RHOU: variants seen among roughly 807,000 people sequenced by gnomAD.
RHOU encodes rho-related GTP-binding protein RhoU.
Under a neutral mutation model 12.6 loss-of-function variants are expected in RHOU, and 8 were observed. The observed-to-expected ratio is 0.64, with a 90% CI of 0.37 to 1.15. RHOU has a LOEUF of 1.15. Among genes scored for constraint, RHOU ranks in the 50% most tolerant of loss-of-function variants. RHOU has a pLI of 0.01. For synonymous variants in RHOU, 161 were observed against 147.4 expected, an observed-to-expected ratio of 1.09 and a Z score of -0.67; for missense variants, 258 against 347.0, an observed-to-expected ratio of 0.74 and a Z score of 2.04.
the RHOU span, among the ~76,000 whole-genome samples, chr1:228,727,286 A>T: frequency 1.3e-5 from 2 of 152,158 alleles, no homozygotes; most frequent in Non-Finnish European, 2.9e-5. Context: ...CTCTTGATGC[A>T]GTAGACACTC....
chr1:228,685,895 A>AT, the RHOU span, among the ~76,000 whole-genome samples: 1 of 152,206 alleles, frequency 6.6e-6, no homozygotes, highest in African/African-American at 2.4e-5. Context: ...CCCCAGAGCT[A>AT]TTATTAAAAG....
chr1:228,735,848 CCGGGGGG>C lies in RHOU; in HGVS notation c.108_114del (p.Arg39ValfsTer27). ...ACGCGGGGGACGCGGGCCTGGGGAG[CCGGGGGG>C]CCGGGGGCGTGCGGGGGGTGCCGAG... is the stretch of plus-strand genomic sequence containing the variant. On this transcript the variant is annotated frameshift_variant, in exon 1 of 3. Coordinates refer to ENST00000366691, the MANE Select transcript of RHOU (RefSeq NM_021205.6). LOFTEE classifies it high-confidence loss of function. The surrounding 1 kb of genome is among the most constrained non-coding windows in gnomAD (Gnocchi z 8.1). The C allele has an allele frequency of 7.6e-7, 1 of 1,316,158 alleles. No individual in the cohort carries two copies. The highest frequency in any genetic ancestry group is 9.7e-7 in the Non-Finnish European group (1 of 1,035,236). The allele number at this position is 1,316,158 out of a possible 1,614,324, so 81.5% of individuals were successfully genotyped here. A position where few individuals can be genotyped will look rare whatever the true frequency, so the allele number is the denominator to read the frequency against.
At chr1:228,688,480 C>A in the RHOU span, among the ~76,000 whole-genome samples, 1 of 152,168 alleles carries the variant, frequency 6.6e-6, no homozygotes, top group African/African-American at 2.4e-5. Flanking sequence ...CCCATTTTGA[C>A]CTCCTTAGCA....
chr1:228,671,553 C>T, the RHOU span, among the ~76,000 whole-genome samples: 1 of 151,462 alleles, frequency 6.6e-6, no homozygotes, highest in Admixed American at 6.6e-5. Context: ...CCCGTCTCTA[C>T]TAAAAGTACA....
chr1:228,668,962 A>G, the RHOU span, among the ~76,000 whole-genome samples: 27 of 152,346 alleles, frequency 1.8e-4, no homozygotes, highest in African/African-American at 6.5e-4. Context: ...AGTCAGGGAC[A>G]GATGGTGGCC....
Position 228,735,590 on chromosome 1 carries a change from C to T in RHOU, c.-153C>T, listed in dbSNP as rs934779223. 1.0e-5 allele frequency: 5 copies of T among 501,510 alleles called. No homozygotes were observed. The highest frequency in any genetic ancestry group is 1.4e-5 in the Non-Finnish European group (5 of 344,994). 31.1% of individuals were successfully genotyped at this position (501,510 alleles called of 1,614,324 possible). ...GACCCTCCCTGGCCGCCTTTGTCTACTGGCCGTGCGGCCCGGAACCGCCAC... is the reference window on the plus strand; with the variant it reads ...GACCCTCCCTGGCCGCCTTTGTCTATTGGCCGTGCGGCCCGGAACCGCCAC... On this transcript the variant is annotated 5_prime_UTR_variant, in exon 1 of 3. Transcript: ENST00000366691. This position sits in a 1 kb window ranked among gnomAD's most constrained non-coding sequence, Gnocchi z 8.1.
chr1:228,690,497 G>A, the RHOU span, among the ~76,000 whole-genome samples: 1 of 151,648 alleles, frequency 6.6e-6, no homozygotes, highest in African/African-American at 2.4e-5. Flanking sequence ...GGCTAATTTT[G>A]TATTTTTAGT....
the RHOU span, among the ~76,000 whole-genome samples, chr1:228,674,399 C>A: frequency 1.0e-4 from 15 of 144,542 alleles, no homozygotes; most frequent in Admixed American, 7.7e-4. Context: ...CAGGCTGGAG[C>A]GCAGTGGTGC....
chr1:228,660,442 A>C, the RHOU span, among the ~76,000 whole-genome samples: 20 of 151,986 alleles, frequency 1.3e-4, no homozygotes, highest in Non-Finnish European at 2.8e-4. Context: ...CAAAAACTTG[A>C]AGAGGAGGGA....
chr1:228,669,283 G>T, the RHOU span, among the ~76,000 whole-genome samples: 1 of 152,182 alleles, frequency 6.6e-6, no homozygotes, highest in Non-Finnish European at 1.5e-5. Context: ...CATCACAGGA[G>T]TTGGACAAGC....
At chr1:228,658,493 G>A in the RHOU span, among the ~76,000 whole-genome samples, 28 of 152,136 alleles carry the variant, frequency 1.8e-4, no homozygotes, top group Non-Finnish European at 2.6e-4. Context: ...AAGCAGAGAC[G>A]GGGCCTTCGC....
In RHOU at chr1:228,737,170, C is replaced by A. The variant is rs1662628502; in HGVS notation, c.263-503C>A. Among the ~76,000 whole-genome samples, 1 of 152,184 alleles carries A rather than the reference C, an allele frequency of 6.6e-6. No homozygotes were observed. Among genetic ancestry groups the A allele is most frequent in the Non-Finnish European group, 1.5e-5 (1 of 68,042 alleles). ...CTGACATAGAGATAAGGAGTGCCCTCATTTCTTAAACAGGACAATGCGGGC... is the reference window on the plus strand; with the variant it reads ...CTGACATAGAGATAAGGAGTGCCCTAATTTCTTAAACAGGACAATGCGGGC... On this transcript the variant is annotated intron_variant, in intron 1 of 2. Transcript: ENST00000366691. This position sits in a 1 kb window ranked among gnomAD's most constrained non-coding sequence, Gnocchi z 4.1.
At chr1:228,650,371 A>C in the RHOU span, 3 of 460,292 alleles carry the variant, frequency 6.5e-6, no homozygotes, top group Admixed American at 7.0e-5. Context: ...TGGCTCACTC[A>C]ACATCAACCT....
At chr1:228,693,006 A>G in the RHOU span, among the ~76,000 whole-genome samples, 1 of 152,204 alleles carries the variant, frequency 6.6e-6, no homozygotes, top group Admixed American at 6.5e-5. Context: ...GATGCCCAAA[A>G]CCGTACTGTG....
At chr1:228,690,482 C>T in the RHOU span, among the ~76,000 whole-genome samples, 59 of 152,006 alleles carry the variant, frequency 3.9e-4, no homozygotes, top group Non-Finnish European at 7.9e-4. Flanking sequence ...TGCACCACCA[C>T]GCCTGGCTAA....
chr1:228,706,471 C>T, the RHOU span, among the ~76,000 whole-genome samples: 1 of 152,190 alleles, frequency 6.6e-6, no homozygotes, highest in African/African-American at 2.4e-5. Context: ...AGCTTGGCAT[C>T]TGCCTTATTT....
chr1:228,701,429 T>C, the RHOU span, among the ~76,000 whole-genome samples: 1 of 152,188 alleles, frequency 6.6e-6, no homozygotes, highest in African/African-American at 2.4e-5. Flanking sequence ...TTTTCTCCTC[T>C]TGCTGTCTCA....
the RHOU span, among the ~76,000 whole-genome samples, chr1:228,647,105 C>T: frequency 6.6e-6 from 1 of 152,262 alleles, no homozygotes; most frequent in Admixed American, 6.5e-5. Flanking sequence ...GGTAGGCAGC[C>T]CCCTTTTGAG....
At chr1:228,704,068 T>C in the RHOU span, among the ~76,000 whole-genome samples, 5,246 of 152,268 alleles carry the variant, frequency 0.034, 136 homozygotes, top group Middle Eastern at 0.13. Flanking sequence ...CTATTGTTTA[T>C]GTAAAAATGA....
Sources: allele counts gnomAD v4.1 joint callset (sites outside exome capture counted in the v4.1 genomes callset), GRCh38; gene constraint gnomAD v4.1.1; non-coding constraint Gnocchi (gnomAD v3.1); transcripts MANE v1.5; gene names NCBI Gene and HGNC (gene_info 2026-07-23, HGNC 2026-07-21).